Variants in HLCS observed in about 807,000 individuals in gnomAD.
HLCS encodes biotin--protein ligase.
A neutral mutation model predicts 75.0 loss-of-function variants in HLCS; 53 were observed. The ratio of observed to expected loss-of-function variants is 0.71; its 90% CI spans 0.57 to 0.89. The LOEUF is 0.89. HLCS is among the 40% of genes least tolerant of loss of function. The pLI is 0.00. For synonymous variants in HLCS, 431 were observed against 428.6 expected, an observed-to-expected ratio of 1.01 and a Z score of -0.07; for missense variants, 966 against 1,074.0, an observed-to-expected ratio of 0.90 and a Z score of 1.41.
At chr21:36,956,704 T>C (rs955913526) in intron 2 of HLCS, among the ~76,000 whole-genome samples, 1 of 151,916 alleles carries the variant, frequency 6.6e-6, no homozygotes, top group Non-Finnish European at 1.5e-5. Context: ...CACTCTAGCC[T>C]AGGCAACAGA....
chr21:36,872,792 C>T lies in HLCS; in HGVS notation c.1892+24068G>A, dbSNP rs754076003. Among the ~76,000 whole-genome samples, 4 of 152,144 alleles carry T rather than the reference C, an allele frequency of 2.6e-5. No individual in the cohort carries two copies. In the South Asian group the frequency reaches 6.2e-4, roughly 24 times the overall value. ...AATTACAAATAAGCTTCTATGAATA[C>T]GACCTACAAGTCTGCATAGACATGT... is the stretch of plus-strand genomic sequence containing the variant. On this transcript the variant is annotated intron_variant, in intron 6 of 10. Transcript: ENST00000674895.
At chr21:36,918,790 A>G (rs2066038450) in intron 5 of HLCS, among the ~76,000 whole-genome samples, 1 of 152,232 alleles carries the variant, frequency 6.6e-6, no homozygotes, top group Non-Finnish European at 1.5e-5. Flanking sequence ...GTGGCATTCA[A>G]CAAGGACACA....
intron 6 of HLCS, among the ~76,000 whole-genome samples, chr21:36,840,693 A>G (rs1216868117): frequency 6.6e-6 from 1 of 151,790 alleles, no homozygotes. Context: ...GCTCACTTCA[A>G]CCTCCGCCTC....
At chr21:36,799,447 T>C (rs927511861) in intron 6 of HLCS, among the ~76,000 whole-genome samples, 7 of 152,184 alleles carry the variant, frequency 4.6e-5, no homozygotes, top group Non-Finnish European at 7.3e-5. Flanking sequence ...CTCCTGGATA[T>C]GTAAAAATTA....
At chr21:36,959,323 C>T (rs867451745) in intron 2 of HLCS, among the ~76,000 whole-genome samples, 16 of 152,294 alleles carry the variant, frequency 1.1e-4, no homozygotes, top group African/African-American at 3.1e-4. Context: ...CCTCAGCCCC[C>T]CTCTAGACTT....
At position 36,979,892 on chromosome 21, in the gene HLCS, A is replaced by ACC. The variant is rs1569273729; in HGVS notation, c.-393+10265_-393+10266insGG. ...CAACATGGTGAAACCACATCTCTAC[A>ACC]AAAGTAAAGAAAATTAGCCAGGCAT... On this transcript the variant is annotated intron_variant, in intron 1 of 11. Coordinates refer to the HLCS transcript ENST00000336648. Among the ~76,000 whole-genome samples, 3 of 151,632 alleles carry ACC rather than the reference A, an allele frequency of 2.0e-5. No individual in the cohort carries two copies. In the East Asian group the frequency reaches 5.8e-4, roughly 29 times the overall value.
In HLCS at chr21:36,750,163, T is replaced by C. The variant is rs919234855; in HGVS notation, c.*4083A>G. ...AAGCTGGGGATAGCGTTTCTTGACT[T>C]CTGTGAGGCTCCGGCAGGGGAAGAG... On this transcript the variant is annotated 3_prime_UTR_variant, in exon 11 of 11. Coordinates refer to ENST00000674895, the MANE Select transcript of HLCS (RefSeq NM_001352514.2). 2.0e-5 allele frequency among the ~76,000 whole-genome samples: 3 copies of C among 152,198 alleles called. No homozygotes were observed. Among genetic ancestry groups the C allele is most frequent in the African/African-American group, 4.8e-5 (2 of 41,446 alleles).
chr21:36,787,469 C>G (rs565334279), intron 6 of HLCS, among the ~76,000 whole-genome samples: 12 of 152,264 alleles, frequency 7.9e-5, no homozygotes, highest in African/African-American at 2.4e-4. Context: ...AAAACTGGAC[C>G]CTAACCCTTC....
At chr21:36,803,517 C>T (rs1239217707) in intron 6 of HLCS, among the ~76,000 whole-genome samples, 5 of 152,216 alleles carry the variant, frequency 3.3e-5, no homozygotes, top group South Asian at 4.1e-4. Context: ...AGGCGCACAG[C>T]GAGGCTTCTG....
intron 6 of HLCS, among the ~76,000 whole-genome samples, chr21:36,848,265 ATTG>A (rs1289285405): frequency 2.8e-5 from 4 of 143,536 alleles, no homozygotes; most frequent in East Asian, 3.9e-4. Context: ...TGCCCACATA[ATTG>A]TTGTTTTTTT....
chr21:36,776,783 GGCTCT>G (rs1364652948), intron 6 of HLCS, among the ~76,000 whole-genome samples: 1 of 152,216 alleles, frequency 6.6e-6, no homozygotes, highest in Non-Finnish European at 1.5e-5. Context: ...AAATACTGTA[GGCTCT>G]GCAGCCGTAT....
intron 4 of HLCS, among the ~76,000 whole-genome samples, chr21:36,934,688 T>C (rs1253740162): frequency 6.6e-6 from 1 of 152,216 alleles, no homozygotes; most frequent in Non-Finnish European, 1.5e-5. Context: ...TGCAGCTGTG[T>C]TCTGCCCTTG....
chr21:36,922,522 C>T (rs2066217003), intron 5 of HLCS, among the ~76,000 whole-genome samples: 1 of 152,172 alleles, frequency 6.6e-6, no homozygotes, highest in Admixed American at 6.5e-5. Context: ...GCAGCTACAA[C>T]AAAACAAACA....
At chr21:36,812,001 T>A (rs1057438579) in intron 6 of HLCS, among the ~76,000 whole-genome samples, 1 of 152,078 alleles carries the variant, frequency 6.6e-6, no homozygotes, top group Non-Finnish European at 1.5e-5. Context: ...TGGCATCCTG[T>A]GAGTCTTTAT....
At chr21:36,783,860 C>T (rs1852839202) in intron 6 of HLCS, among the ~76,000 whole-genome samples, 2 of 152,292 alleles carry the variant, frequency 1.3e-5, no homozygotes, top group African/African-American at 4.8e-5. Flanking sequence ...CACACACACA[C>T]ACACTTGATT....
At chr21:36,930,051 T>C (rs1057421556) in intron 5 of HLCS, among the ~76,000 whole-genome samples, 200 bp downstream of exon 5, 2 of 152,236 alleles carry the variant, frequency 1.3e-5, no homozygotes, top group African/African-American at 2.4e-5. Context: ...TTCTAAACTC[T>C]ACTAGTTGGC....
chr21:36,805,346 T>C (rs540336682), intron 6 of HLCS, among the ~76,000 whole-genome samples: 6 of 152,316 alleles, frequency 3.9e-5, no homozygotes, highest in Non-Finnish European at 7.4e-5. Flanking sequence ...CTGCACTGTC[T>C]TCCTTGCTTC....
At chr21:36,757,748 C>T (rs572274036) in intron 9 of HLCS, among the ~76,000 whole-genome samples, 1 of 152,234 alleles carries the variant, frequency 6.6e-6, no homozygotes, top group African/African-American at 2.4e-5. Flanking sequence ...TGTCAATTAC[C>T]TCTGGAAAAA....
chr21:36,919,487 T>C (rs969941119), intron 5 of HLCS, among the ~76,000 whole-genome samples: 1 of 152,222 alleles, frequency 6.6e-6, no homozygotes, highest in East Asian at 1.9e-4. Context: ...GTGTTCCCAC[T>C]GCATACGTGC....
Sources: allele counts gnomAD v4.1 joint callset (sites outside exome capture counted in the v4.1 genomes callset), GRCh38; gene constraint gnomAD v4.1.1; transcripts MANE v1.5; gene names NCBI Gene and HGNC (gene_info 2026-07-23, HGNC 2026-07-21).